Variants in MYO9B observed in about 807,000 individuals in gnomAD.
MYO9B encodes myosin IXB.
MYO9B carries 71 observed loss-of-function variants against 229.5 expected under a neutral mutation model. The observed-to-expected ratio is 0.31, with a 90% CI of 0.26 to 0.38. The LOEUF is 0.38. Among genes scored for constraint, MYO9B ranks in the 10% least tolerant of loss-of-function variants. MYO9B has a pLI of 1.00. For missense variants in MYO9B, 2,255 were observed against 2,920.5 expected (o/e 0.77, Z 5.25); for synonymous variants, 1,185 against 1,235.8 (o/e 0.96, Z 0.86).
At chr19:17,121,339 C>G (rs949354079) in intron 2 of MYO9B, among the ~76,000 whole-genome samples, 2 of 152,130 alleles carry the variant, frequency 1.3e-5, no homozygotes, top group Admixed American at 6.6e-5. Flanking sequence ...TGGTCCCACA[C>G]TGGGGTTCGG....
chr19:17,178,880 A>G (rs917664084), intron 14 of MYO9B, among the ~76,000 whole-genome samples: 1 of 151,932 alleles, frequency 6.6e-6, no homozygotes, highest in Non-Finnish European at 1.5e-5. Context: ...CTAAAAATAC[A>G]AAAATTAGCC....
At chr19:17,168,205 C>A (rs1457136068) in intron 11 of MYO9B, 141 bp downstream of exon 11, 3 of 1,228,488 alleles carry the variant, frequency 2.4e-6, no homozygotes, top group African/African-American at 1.5e-5. Flanking sequence ...CACTCTGTCA[C>A]CCAGGCTGGA....
At chr19:17,079,998 G>A (rs879771612) in intron 1 of MYO9B, among the ~76,000 whole-genome samples, 3 of 151,688 alleles carry the variant, frequency 2.0e-5, no homozygotes, top group Non-Finnish European at 4.4e-5. Context: ...TCAGAGATTA[G>A]GCATGTTTCA....
At chr19:17,152,182 A>G (rs1351886269) in intron 3 of MYO9B, among the ~76,000 whole-genome samples, 2 of 111,354 alleles carry the variant, frequency 1.8e-5, no homozygotes. Context: ...GTAAGACTCC[A>G]TCACAAAAAA....
At chr19:17,092,662 T>C (rs1002185425) in intron 1 of MYO9B, among the ~76,000 whole-genome samples, 3 of 147,590 alleles carry the variant, frequency 2.0e-5, no homozygotes, top group Non-Finnish European at 3.0e-5. Flanking sequence ...TAGGCAGAGG[T>C]TGCAGTGAGC....
chr19:17,088,430 C>A (rs910133612), intron 1 of MYO9B, among the ~76,000 whole-genome samples: 2 of 152,324 alleles, frequency 1.3e-5, no homozygotes, highest in African/African-American at 4.8e-5. Context: ...AATGAACTCC[C>A]CACTGGAAAT....
At chr19:17,154,448 A>T in intron 6 of MYO9B, 33 bp downstream of exon 6, 2 of 1,543,848 alleles carry the variant, frequency 1.3e-6, no homozygotes, top group Non-Finnish European at 1.8e-6. Context: ...CCTGTCCCCC[A>T]GAGCCTACAG....
intron 3 of MYO9B, among the ~76,000 whole-genome samples, chr19:17,151,287 AAAG>A (rs1404211588): frequency 6.2e-5 from 7 of 113,444 alleles, no homozygotes; most frequent in Admixed American, 1.8e-4. Context: ...TCAAAAAAAA[AAAG>A]AAAGAAAGAA....
At chr19:17,188,520 C>A (rs1043232180) in intron 19 of MYO9B, among the ~76,000 whole-genome samples, 4 of 151,860 alleles carry the variant, frequency 2.6e-5, no homozygotes, top group African/African-American at 7.3e-5. Context: ...GAGGTGACAG[C>A]GCCTGGTTCC....
intron 2 of MYO9B, among the ~76,000 whole-genome samples, chr19:17,134,851 C>T (rs1568267409): frequency 6.6e-6 from 1 of 152,160 alleles, no homozygotes; most frequent in Non-Finnish European, 1.5e-5. Context: ...GCAACCTCCA[C>T]CTCCTGGGTT....
chr19:17,177,713 GCATC>G (rs1201868904), intron 14 of MYO9B: 3 of 152,354 alleles, frequency 2.0e-5, no homozygotes, highest in Non-Finnish European at 4.4e-5. Context: ...AGCAGAAGCA[GCATC>G]CATCTCCCCA....
intron 1 of MYO9B, among the ~76,000 whole-genome samples, chr19:17,088,334 C>T (rs954034524): frequency 2.6e-5 from 4 of 152,240 alleles, no homozygotes; most frequent in African/African-American, 9.6e-5. Flanking sequence ...ACAACCTGAT[C>T]TTAACTGACT....
At chr19:17,113,620 A>G (rs2057870486) in intron 2 of MYO9B, among the ~76,000 whole-genome samples, 1 of 152,128 alleles carries the variant, frequency 6.6e-6, no homozygotes, top group Non-Finnish European at 1.5e-5. Context: ...ACCGCAAGCT[A>G]CTGAAGGTCC....
intron 1 of MYO9B, among the ~76,000 whole-genome samples, chr19:17,097,609 T>A (rs907935724): frequency 2.6e-5 from 4 of 152,212 alleles, no homozygotes; most frequent in Non-Finnish European, 1.5e-5. Context: ...TTAAATCTTG[T>A]GTGTCCCCCA....
chr19:17,077,664 A>G (rs1277328664), intron 1 of MYO9B, among the ~76,000 whole-genome samples: 2 of 152,116 alleles, frequency 1.3e-5, no homozygotes, highest in Non-Finnish European at 2.9e-5. Flanking sequence ...GACCTCCATC[A>G]GCGTTTTTCA....
Position 17,173,008 on chromosome 19 carries a change from G to C in MYO9B, c.2140+45G>C, listed in dbSNP as rs770654382. The C allele has an allele frequency of 2.5e-6, 4 of 1,582,378 alleles. No homozygotes were observed. In the African/African-American group the frequency reaches 5.4e-5, roughly 21 times the overall value. On this transcript the variant is annotated intron_variant, in intron 13 of 39. Transcript: ENST00000682292. ...CCCACAAAAGCGTCACTGTCGAGAG[G>C]GGGGCACATCCTGAGTTCATCTTAA...
At chr19:17,197,904 A>G in intron 23 of MYO9B, 46 bp downstream of exon 23, 1 of 1,601,728 alleles carries the variant, frequency 6.2e-7, no homozygotes, top group African/African-American at 1.3e-5. Context: ...AAATACAAAA[A>G]TCAGCCAGGC....
chr19:17,127,933 T>C (rs1427182967), intron 2 of MYO9B, among the ~76,000 whole-genome samples: 1 of 152,180 alleles, frequency 6.6e-6, no homozygotes, highest in Non-Finnish European at 1.5e-5. Context: ...AGGCAGAGAT[T>C]TTTCCAAAAC....
At chr19:17,125,496 C>G (rs950127183) in intron 2 of MYO9B, among the ~76,000 whole-genome samples, 25 of 152,262 alleles carry the variant, frequency 1.6e-4, no homozygotes, top group African/African-American at 6.0e-4. Flanking sequence ...ATTTCAGTAA[C>G]TTGTTTCACA....
Sources: gnomAD v4.1 joint callset for allele counts (sites outside exome capture counted in the v4.1 genomes callset) on GRCh38, gnomAD v4.1.1 for gene constraint, MANE v1.5 for transcripts, NCBI Gene and HGNC (gene_info 2026-07-23, HGNC 2026-07-21) for gene names.